Variants in AFAP1 observed in about 807,000 individuals in gnomAD.
AFAP1 encodes actin filament associated protein 1.
A neutral mutation model predicts 93.9 loss-of-function variants in AFAP1; 75 were observed. The ratio of observed to expected loss-of-function variants is 0.80; its 90% CI spans 0.66 to 0.97. The LOEUF (loss-of-function observed/expected upper bound fraction) is 0.97. AFAP1 is among the 50% of genes least tolerant of loss of function. AFAP1 has a pLI of 0.00. For missense variants in AFAP1, 1,201 were observed against 1,050.8 expected, an observed-to-expected ratio of 1.14 and a Z score of -1.98; for synonymous variants, 517 against 430.7, an observed-to-expected ratio of 1.20 and a Z score of -2.48.
intron 4 of AFAP1, among the ~76,000 whole-genome samples, chr4:7,845,555 C>T (rs551337840): frequency 3.9e-5 from 6 of 152,160 alleles, no homozygotes; most frequent in South Asian, 2.1e-4. Flanking sequence ...TCAGAGGCCA[C>T]GAGGGATGCA....
rs143046457 is a variant in AFAP1 at position 7,836,846 on chromosome 4, T to C, written c.726+1678A>G. On this transcript the variant is annotated intron_variant, in intron 6 of 17. Transcript: ENST00000420658. ...TACCAAAAAAAAAAACACAAACCAC[T>C]GAATTGGACTTGAAAAGGGTGAATT... is the stretch of plus-strand genomic sequence containing the variant. Among the ~76,000 whole-genome samples, 503 of 151,240 alleles carry C rather than the reference T, an allele frequency of 3.3e-3. 2 individuals are homozygous for C. The highest frequency in any genetic ancestry group is 0.012 in the African/African-American group (490 of 41,272).
intron 14 of AFAP1, chr4:7,775,138 CA>C (rs888244509): frequency 1.8e-3 from 779 of 439,126 alleles, no homozygotes; most frequent in South Asian, 2.7e-3. Context: ...GACCCCGTGT[CA>C]AAAAAAAATT....
intron 1 of AFAP1, among the ~76,000 whole-genome samples, chr4:7,925,350 T>C (rs1720667728): frequency 6.6e-6 from 1 of 152,220 alleles, no homozygotes; most frequent in Non-Finnish European, 1.5e-5. Flanking sequence ...CCACATGTTA[T>C]GGAAAGATCA....
At chr4:7,926,251 C>CAG (rs1424095405) in intron 1 of AFAP1, among the ~76,000 whole-genome samples, 1 of 152,226 alleles carries the variant, frequency 6.6e-6, no homozygotes, top group Non-Finnish European at 1.5e-5. Context: ...CACTACCCCA[C>CAG]AGTTCTATTT....
Position 7,868,667 on chromosome 4 carries a change from T to C in AFAP1, c.180A>G (p.Pro60=), listed in dbSNP as rs1238361139. 6.2e-7 allele frequency: 1 copy of C among 1,613,486 alleles called. No homozygotes were observed. The highest frequency in any genetic ancestry group is 8.5e-7 in the Non-Finnish European group (1 of 1,179,936). Residue 60 remains proline (P), a synonymous_variant, in exon 3 of 18, where the codon CCA becomes CCG. Transcript: ENST00000420658. ...AQKQETANSL[P]APPQMPLPEI... ...CCGGCAGGGGCATCTGAGGAGGGGC[T>C]GGCAGGCTGTTAGCGGTCTCCTGCT...
chr4:7,863,688 G>A (rs996792775), intron 3 of AFAP1, among the ~76,000 whole-genome samples: 1 of 152,130 alleles, frequency 6.6e-6, no homozygotes, highest in African/African-American at 2.4e-5. Context: ...ATGTCACACA[G>A]GGCATCTCAG....
At chr4:7,913,742 T>C (rs1719906893) in intron 1 of AFAP1, among the ~76,000 whole-genome samples, 1 of 152,228 alleles carries the variant, frequency 6.6e-6, no homozygotes, top group Admixed American at 6.5e-5. Context: ...TACTTCTCTA[T>C]ATTATAAAAT....
intron 11 of AFAP1, among the ~76,000 whole-genome samples, chr4:7,793,472 C>G (rs908884086): frequency 6.6e-6 from 1 of 152,234 alleles, no homozygotes; most frequent in African/African-American, 2.4e-5. Flanking sequence ...GTCCTTCATG[C>G]AAGTTTGCCA....
chr4:7,787,966 G>A (rs1717466886), intron 11 of AFAP1, among the ~76,000 whole-genome samples: 1 of 152,182 alleles, frequency 6.6e-6, no homozygotes, highest in African/African-American at 2.4e-5. Context: ...TGCCCCCCAG[G>A]AGGCGGCCCG....
At chr4:7,881,363 C>G (rs994139306) in intron 1 of AFAP1, among the ~76,000 whole-genome samples, 3 of 152,118 alleles carry the variant, frequency 2.0e-5, no homozygotes, top group Non-Finnish European at 2.9e-5. Flanking sequence ...CCTCTCCTCA[C>G]CCCTCTGAAT....
At chr4:7,771,420 A>C (rs1285009372) in intron 16 of AFAP1, among the ~76,000 whole-genome samples, 1 of 152,120 alleles carries the variant, frequency 6.6e-6, no homozygotes, top group African/African-American at 2.4e-5. Context: ...TTTTATATAT[A>C]ATAGATAAAT....
At chr4:7,857,380 G>A (rs1715187231) in intron 3 of AFAP1, among the ~76,000 whole-genome samples, 1 of 152,180 alleles carries the variant, frequency 6.6e-6, no homozygotes, top group Non-Finnish European at 1.5e-5. Flanking sequence ...AGATGAAGAA[G>A]AGAACTCACT....
At chr4:7,819,364 T>C (rs1413988012) in intron 6 of AFAP1, among the ~76,000 whole-genome samples, 193 bp from the exon 7 acceptor site, 1 of 152,156 alleles carries the variant, frequency 6.6e-6, no homozygotes, top group East Asian at 1.9e-4. Flanking sequence ...CCAAAGTCTA[T>C]CAACGCTGGT....
At chr4:7,904,289 C>G (rs1390449508) in intron 1 of AFAP1, among the ~76,000 whole-genome samples, 1 of 151,990 alleles carries the variant, frequency 6.6e-6, no homozygotes, top group Non-Finnish European at 1.5e-5. Context: ...CAAGCGGAAA[C>G]GGCTCTCCAC....
intron 6 of AFAP1, among the ~76,000 whole-genome samples, chr4:7,824,800 GGGAAT>G (rs1372000129): frequency 6.6e-6 from 1 of 152,166 alleles, no homozygotes; most frequent in Non-Finnish European, 1.5e-5. Context: ...TGGGCACTGA[GGGAAT>G]GGGAGGAAGG....
chr4:7,893,636 G>A (rs1318629907), intron 1 of AFAP1, among the ~76,000 whole-genome samples: 3 of 147,548 alleles, frequency 2.0e-5, no homozygotes, highest in South Asian at 2.2e-4. Context: ...AGTACTTTCT[G>A]TCCTCCAGCT....
chr4:7,915,801 T>C (rs1362150535), intron 1 of AFAP1, among the ~76,000 whole-genome samples: 1 of 149,282 alleles, frequency 6.7e-6, no homozygotes, highest in Non-Finnish European at 1.5e-5. Context: ...GCTGGTATGA[T>C]CATTTGAAAC....
At chr4:7,866,440 C>T (rs972145812) in intron 3 of AFAP1, among the ~76,000 whole-genome samples, 2 of 152,206 alleles carry the variant, frequency 1.3e-5, no homozygotes, top group South Asian at 2.1e-4. Flanking sequence ...AGGCGATCCA[C>T]CCGCCTCAGC....
chr4:7,853,429 G>A (rs914361397), intron 4 of AFAP1, among the ~76,000 whole-genome samples: 1 of 152,186 alleles, frequency 6.6e-6, no homozygotes, highest in African/African-American at 2.4e-5. Flanking sequence ...GCGGGGACAG[G>A]GACTGCCGCA....
Sources: gnomAD v4.1 joint callset for allele counts (sites outside exome capture counted in the v4.1 genomes callset) on GRCh38, gnomAD v4.1.1 for gene constraint, MANE v1.5 for transcripts, NCBI Gene and HGNC (gene_info 2026-07-23, HGNC 2026-07-21) for gene names.